The following BNC2 variants were observed in gnomAD, a reference collection of about 807,000 sequenced individuals.
The protein encoded by BNC2 is basonuclin zinc finger protein 2.
Under a neutral mutation model 76.3 loss-of-function variants are expected in BNC2, and 20 were observed. The observed-to-expected ratio is 0.26, with a 90% CI of 0.18 to 0.38. The LOEUF (loss-of-function observed/expected upper bound fraction) is 0.38. Ranked by LOEUF, BNC2 falls within the 10% of genes least tolerant of loss-of-function variation. The probability of loss-of-function intolerance (pLI) is 1.00; values close to 1 mark genes in which losing one functional copy is unlikely to be tolerated. For synonymous variants in BNC2, 582 were observed against 514.8 expected, an observed-to-expected ratio of 1.13 and a Z score of -1.77; for missense variants, 1,382 against 1,399.8, an observed-to-expected ratio of 0.99 and a Z score of 0.20.
At chr9:16,507,506 G>A (rs1425615068) in intron 5 of BNC2, among the ~76,000 whole-genome samples, 1 of 151,930 alleles carries the variant, frequency 6.6e-6, no homozygotes, top group Non-Finnish European at 1.5e-5. Flanking sequence ...TCAGCTTACT[G>A]CAACCTCCAC....
At chr9:16,842,309 TTC>T (rs1818852197) in intron 1 of BNC2, among the ~76,000 whole-genome samples, 1 of 152,156 alleles carries the variant, frequency 6.6e-6, no homozygotes, top group South Asian at 2.1e-4. Context: ...GTATGATACT[TTC>T]TGTTTCTGTG....
chr9:16,444,076 C>T lies in BNC2; in HGVS notation c.670-6552G>A, dbSNP rs376150040. On this transcript the variant is annotated intron_variant, in intron 5 of 6. Coordinates refer to ENST00000380672, the MANE Select transcript of BNC2 (RefSeq NM_017637.6). ...CCACTGTTTATAAGCCACCTTACTC[C>T]TTTCCTCCTGTATTACAGCACGGCC... Among the ~76,000 whole-genome samples, 3 of 152,224 alleles carry T rather than the reference C, an allele frequency of 2.0e-5. No individual in the cohort carries two copies. In the East Asian group the frequency reaches 5.8e-4, roughly 29 times the overall value.
At chr9:16,789,283 G>A (rs989829275) in intron 1 of BNC2, among the ~76,000 whole-genome samples, 3 of 151,964 alleles carry the variant, frequency 2.0e-5, no homozygotes, top group East Asian at 1.9e-4. Context: ...AATGTTCTTC[G>A]TCTTGATTGT....
chr9:16,652,114 A>G (rs1202717789), intron 3 of BNC2, among the ~76,000 whole-genome samples: 1 of 152,212 alleles, frequency 6.6e-6, no homozygotes, highest in African/African-American at 2.4e-5. Flanking sequence ...AGACTTGTTC[A>G]GCTGTTTCTA....
At chr9:16,767,341 G>A (rs190196008) in intron 1 of BNC2, among the ~76,000 whole-genome samples, 75 of 152,344 alleles carry the variant, frequency 4.9e-4, no homozygotes, top group African/African-American at 1.8e-3. Context: ...GGATAAAACT[G>A]GCTGGGGGTC....
At chr9:16,500,832 T>C (rs1473174914) in intron 5 of BNC2, among the ~76,000 whole-genome samples, 3 of 152,214 alleles carry the variant, frequency 2.0e-5, no homozygotes, top group African/African-American at 7.2e-5. Flanking sequence ...CTAAATAAAG[T>C]CCTTTTGCAG....
intron 1 of BNC2, among the ~76,000 whole-genome samples, chr9:16,861,833 C>CA (rs1819417860): frequency 6.6e-6 from 1 of 151,970 alleles, no homozygotes; most frequent in South Asian, 2.1e-4. Flanking sequence ...ACTAAAAATA[C>CA]AAAAAATTAG....
intron 1 of BNC2, among the ~76,000 whole-genome samples, chr9:16,802,398 C>A (rs1175815415): frequency 6.6e-6 from 1 of 152,194 alleles, no homozygotes; most frequent in African/African-American, 2.4e-5. Flanking sequence ...AGGCTCAGTA[C>A]AATTAGCAAT....
intron 5 of BNC2, among the ~76,000 whole-genome samples, chr9:16,442,255 CT>C (rs1200576611): frequency 1.3e-5 from 2 of 152,104 alleles, no homozygotes; most frequent in Non-Finnish European, 2.9e-5. Flanking sequence ...ATAATATAGA[CT>C]TATAAACCAG....
At chr9:16,824,095 T>C (rs1362035401) in intron 1 of BNC2, among the ~76,000 whole-genome samples, 1 of 151,974 alleles carries the variant, frequency 6.6e-6, no homozygotes, top group Non-Finnish European at 1.5e-5. Flanking sequence ...TGGTTAGGAG[T>C]GATAAGAAAC....
intron 5 of BNC2, among the ~76,000 whole-genome samples, chr9:16,482,667 ACTT>A (rs61174347): frequency 0.12 from 17,795 of 152,094 alleles, 1,569 homozygotes; most frequent in African/African-American, 0.25. Context: ...AAAATCTGCT[ACTT>A]CTTCTCTATC....
chr9:16,682,373 CT>C, intron 3 of BNC2, among the ~76,000 whole-genome samples: 1 of 150,614 alleles, frequency 6.6e-6, no homozygotes, highest in East Asian at 2.0e-4. Context: ...CACCCTTATG[CT>C]GCATTTAACT....
At chr9:16,580,884 T>A (rs563467642) in intron 4 of BNC2, among the ~76,000 whole-genome samples, 39 of 152,306 alleles carry the variant, frequency 2.6e-4, no homozygotes, top group African/African-American at 9.1e-4. Flanking sequence ...GAACTATTAA[T>A]CCTATTTTAC....
intron 4 of BNC2, among the ~76,000 whole-genome samples, chr9:16,554,367 C>A (rs186049387): frequency 6.6e-6 from 1 of 152,168 alleles, no homozygotes; most frequent in Admixed American, 6.5e-5. Flanking sequence ...AAATTGCTTT[C>A]TTACATCCAC....
chr9:16,716,789 T>C lies in BNC2; in HGVS notation c.330+11008A>G, dbSNP rs1350049349. ...ATCATTGCACCACATGCTTGAAAGA[T>C]TAGTTTTTAAGGTGTTTCCTTCCGA... On this transcript the variant is annotated intron_variant, in intron 3 of 6. Coordinates refer to ENST00000380672, the MANE Select transcript of BNC2 (RefSeq NM_017637.6). Among the ~76,000 whole-genome samples, 3 of 152,336 alleles carry C rather than the reference T, an allele frequency of 2.0e-5. No homozygotes were observed. In the East Asian group the frequency reaches 5.8e-4, roughly 29 times the overall value.
At chr9:16,729,940 G>A (rs1168382694) in intron 2 of BNC2, among the ~76,000 whole-genome samples, 1 of 151,908 alleles carries the variant, frequency 6.6e-6, no homozygotes, top group Non-Finnish European at 1.5e-5. Context: ...CTGTTGTATC[G>A]CTTTGCCTGT....
chr9:16,602,537 T>C (rs1375560562), intron 3 of BNC2, among the ~76,000 whole-genome samples: 1 of 152,200 alleles, frequency 6.6e-6, no homozygotes, highest in Non-Finnish European at 1.5e-5. Context: ...AAATCTACAA[T>C]GTCTTTTCAG....
chr9:16,512,903 A>AGG lies in BNC2; in HGVS notation c.669+39625_669+39626dup, dbSNP rs113656033. On this transcript the variant is annotated intron_variant, in intron 5 of 6. Coordinates refer to ENST00000380672, the MANE Select transcript of BNC2 (RefSeq NM_017637.6). ...GAAATCCAAACACTTTGGGAGGCTG[A>AGG]GGGGGGAAGATCACTTGAGGCCAGG... 2.0e-5 allele frequency among the ~76,000 whole-genome samples: 3 copies of AGG among 151,984 alleles called. No homozygotes were observed. The East Asian group carries it at 5.8e-4, about 30-fold the overall frequency.
intron 1 of BNC2, among the ~76,000 whole-genome samples, chr9:16,801,118 C>G (rs1414943902): frequency 4.6e-5 from 7 of 152,216 alleles, no homozygotes; most frequent in Admixed American, 1.3e-4. Context: ...AGTATATCCC[C>G]TACACAATTC....
Sources: allele counts gnomAD v4.1 joint callset (sites outside exome capture counted in the v4.1 genomes callset), GRCh38; gene constraint gnomAD v4.1.1; transcripts MANE v1.5; gene names NCBI Gene and HGNC (gene_info 2026-07-23, HGNC 2026-07-21).